ZDHHC20: variants seen among roughly 807,000 people sequenced by gnomAD.
ZDHHC20 encodes palmitoyltransferase ZDHHC20.
In ZDHHC20, 43 loss-of-function variants were observed where a neutral mutation model predicts 57.8. The ratio of observed to expected loss-of-function variants is 0.74; its 90% confidence interval spans 0.58 to 0.96. ZDHHC20 has a LOEUF of 0.96. Among genes scored for constraint, ZDHHC20 ranks in the 40% least tolerant of loss-of-function variants. ZDHHC20 has a pLI of 0.00. For missense variants in ZDHHC20, 391 were observed against 441.1 expected (o/e 0.89, Z 1.02); for synonymous variants, 157 against 153.0 (o/e 1.03, Z -0.19).
intron 2 of ZDHHC20, among the ~76,000 whole-genome samples, chr13:21,423,852 CATAA>C (rs1159732745): frequency 3.3e-5 from 5 of 151,734 alleles, no homozygotes; most frequent in Admixed American, 2.0e-4. Context: ...TTACTTCCTT[CATAA>C]ATAGTTTTGC....
chr13:21,407,612 A>G (rs1011211543), intron 4 of ZDHHC20, among the ~76,000 whole-genome samples: 3 of 152,118 alleles, frequency 2.0e-5, no homozygotes, highest in African/African-American at 7.2e-5. Context: ...TGCTGTGCAG[A>G]AGCTCTTTAA....
At chr13:21,396,508 AAAC>A (rs1876808888) in intron 7 of ZDHHC20, among the ~76,000 whole-genome samples, 1 of 152,120 alleles carries the variant, frequency 6.6e-6, no homozygotes, top group African/African-American at 2.4e-5. Flanking sequence ...GATGTGACAA[AAAC>A]AAAAGAAAGC....
intron 7 of ZDHHC20, among the ~76,000 whole-genome samples, chr13:21,396,774 A>G (rs921010394): frequency 6.6e-6 from 1 of 151,962 alleles, no homozygotes; most frequent in Non-Finnish European, 1.5e-5. Context: ...TGAAGGTTAC[A>G]GTGAGCTGAG....
chr13:21,402,703 A>G (rs1193196148), intron 5 of ZDHHC20, 94 bp downstream of exon 5: 1 of 1,011,424 alleles, frequency 9.9e-7, no homozygotes, highest in Non-Finnish European at 1.5e-6. Flanking sequence ...TGTTCTTGTC[A>G]AGTGTAAAGC....
intron 2 of ZDHHC20, among the ~76,000 whole-genome samples, chr13:21,421,945 C>T (rs1028656766): frequency 3.3e-5 from 5 of 152,102 alleles, no homozygotes; most frequent in Non-Finnish European, 7.4e-5. Flanking sequence ...ACTCCTTCCA[C>T]AAAGGTCTTT....
chr13:21,403,306 A>C (rs1165742725), intron 4 of ZDHHC20, among the ~76,000 whole-genome samples: 2 of 151,788 alleles, frequency 1.3e-5, no homozygotes, highest in African/African-American at 2.4e-5. Context: ...AAAAAAAAAA[A>C]CACTTTTTAT....
rs557622330 is a variant in ZDHHC20 at position 21,442,526 on chromosome 13, G to A, written c.118+16528C>T. Among the ~76,000 whole-genome samples the A allele has an allele frequency of 1.0e-3, 157 of 152,246 alleles. 1 individual carries two copies. The highest frequency in any genetic ancestry group is 6.8e-3 in the Middle Eastern group (2 of 294). On this transcript the variant is annotated intron_variant, in intron 1 of 12. Transcript: ENST00000400590. ...TCCCAGCACTTTGGGAGGCCAAGGC[G>A]GGTGGATCACTTGGGGTCAGGAGTT...
chr13:21,445,921 T>C (rs564132532), intron 1 of ZDHHC20, among the ~76,000 whole-genome samples: 9 of 152,280 alleles, frequency 5.9e-5, no homozygotes, highest in African/African-American at 2.2e-4. Flanking sequence ...AACAGCGATC[T>C]AGACGAAGTG....
intron 8 of ZDHHC20, among the ~76,000 whole-genome samples, chr13:21,390,666 G>A (rs750247115): frequency 2.6e-5 from 4 of 152,118 alleles, no homozygotes; most frequent in Admixed American, 2.0e-4. Flanking sequence ...TTGGGAGGCC[G>A]AAGTGGGAGG....
chr13:21,395,250 T>A (rs1035072467), intron 7 of ZDHHC20, among the ~76,000 whole-genome samples: 7 of 151,740 alleles, frequency 4.6e-5, no homozygotes, highest in African/African-American at 1.7e-4. Context: ...GTATTTTTAG[T>A]AGATACGGGG....
chr13:21,454,199 GCCTATAATCC>G (rs1234488362), intron 1 of ZDHHC20, among the ~76,000 whole-genome samples: 1 of 152,046 alleles, frequency 6.6e-6, no homozygotes, highest in African/African-American at 2.4e-5. Context: ...GGTGGCACAT[GCCTATAATCC>G]CAGCTACTCA....
intron 1 of ZDHHC20, among the ~76,000 whole-genome samples, chr13:21,453,544 G>T (rs532407202): frequency 1.1e-4 from 16 of 152,252 alleles, no homozygotes; most frequent in Admixed American, 2.6e-4. Flanking sequence ...AAGCACACAT[G>T]GAACACAGCT....
chr13:21,415,371 G>A (rs1260420104), intron 3 of ZDHHC20, among the ~76,000 whole-genome samples: 1 of 152,194 alleles, frequency 6.6e-6, no homozygotes, highest in Non-Finnish European at 1.5e-5. Context: ...AAATAGAAGA[G>A]TCTATTTAGA....
intron 9 of ZDHHC20, among the ~76,000 whole-genome samples, chr13:21,386,162 A>G (rs183717711): frequency 1.3e-5 from 2 of 152,334 alleles, no homozygotes; most frequent in Admixed American, 1.3e-4. Flanking sequence ...AAGATACAGC[A>G]ATAGGATCTA....
intron 1 of ZDHHC20, among the ~76,000 whole-genome samples, chr13:21,449,393 G>C (rs943183698): frequency 3.0e-4 from 45 of 152,172 alleles, no homozygotes; most frequent in African/African-American, 1.0e-3. Context: ...CACACATTAG[G>C]GGTTCTGGCT....
intron 10 of ZDHHC20, 100 bp from the exon 11 acceptor site, chr13:21,381,649 T>A: frequency 5.1e-6 from 4 of 780,682 alleles, no homozygotes; most frequent in Non-Finnish European, 8.4e-6. Flanking sequence ...CTCCTAAATA[T>A]GTGAGGGCAA....
chr13:21,435,558 T>C (rs1042165815), intron 1 of ZDHHC20, among the ~76,000 whole-genome samples: 4 of 152,140 alleles, frequency 2.6e-5, no homozygotes, highest in Non-Finnish European at 4.4e-5. Flanking sequence ...ATTCACAAAA[T>C]AGAATTTGCC....
intron 9 of ZDHHC20, among the ~76,000 whole-genome samples, chr13:21,384,295 C>T (rs192319157): frequency 1.2e-4 from 18 of 151,878 alleles, no homozygotes; most frequent in African/African-American, 4.3e-4. Context: ...CAAAAATTAG[C>T]TGGGTGTGGT....
At chr13:21,379,669 G>A (rs1327159948) in intron 11 of ZDHHC20, among the ~76,000 whole-genome samples, 1 of 152,092 alleles carries the variant, frequency 6.6e-6, no homozygotes, top group Non-Finnish European at 1.5e-5. Flanking sequence ...TGTAATGCTA[G>A]TTAAGTAGCC....
Sources: gnomAD v4.1 joint callset for allele counts (sites outside exome capture counted in the v4.1 genomes callset) on GRCh38, gnomAD v4.1.1 for gene constraint, MANE v1.5 for transcripts, NCBI Gene and HGNC (gene_info 2026-07-23, HGNC 2026-07-21) for gene names.